The following ADAMDEC1 variants were observed in gnomAD, a reference collection of about 807,000 sequenced individuals.
ADAMDEC1 encodes the protein ADAM like decysin 1, also known as ADAM DEC1.
In ADAMDEC1, 62 loss-of-function variants were observed where a neutral mutation model predicts 60.4. That is an observed-to-expected ratio of 1.03 (90% CI 0.84 to 1.27). The LOEUF is 1.27. ADAMDEC1 is among the 50% of genes most tolerant of loss of function. The pLI is 0.00. For missense variants in ADAMDEC1, 595 were observed against 565.0 expected (o/e 1.05, Z -0.54); for synonymous variants, 210 against 195.1 (o/e 1.08, Z -0.64).
chr8:24,396,801 TTA>T (rs1237485204), intron 5 of ADAMDEC1, among the ~76,000 whole-genome samples: 10 of 152,228 alleles, frequency 6.6e-5, no homozygotes. Context: ...TATGAACTAA[TTA>T]TCATACTATT....
chr8:24,397,374 C>A lies in ADAMDEC1; in HGVS notation c.545C>A (p.Pro182Gln). 2 of 1,614,056 alleles carry A rather than the reference C, an allele frequency of 1.2e-6. No individual in the cohort carries two copies. Among genetic ancestry groups the A allele is most frequent in the Non-Finnish European group, 1.7e-6 (2 of 1,179,956 alleles). ...VFTSNQEEQD[P>Q]ANHTCGVKST... is the part of the protein sequence containing the mutation. Reference sequence around the variant, plus strand: ...ACATCTAACCAGGAGGAACAAGACCCAGCTAACCACACATGTGGTGTGAAG... The same window carrying A: ...ACATCTAACCAGGAGGAACAAGACCAAGCTAACCACACATGTGGTGTGAAG... Residue 182 changes from proline to glutamine, a missense_variant, in exon 6 of 14, where the codon CCA becomes CAA. By Grantham distance (76) the Pro-to-Gln change is moderately conservative. Transcript: ENST00000256412.
chr8:24,390,851 A>G (rs1009873953), intron 1 of ADAMDEC1, among the ~76,000 whole-genome samples: 7 of 152,090 alleles, frequency 4.6e-5, no homozygotes, highest in African/African-American at 9.7e-5. Context: ...TCACATTGTA[A>G]TCTACTCTTA....
In ADAMDEC1 at chr8:24,398,941, TA is replaced by T; in HGVS notation, c.833del (p.Lys278ArgfsTer14). ...GMEIWSDGDK[I>X]KVVPSASTTF... ...GAAATCTGGTCTGATGGGGATAAGA[TA>T]AAGGTGGTGCCCAGCGCAAGCACCA... On this transcript the variant is annotated frameshift_variant, in exon 9 of 14. Coordinates refer to ENST00000256412, the MANE Select transcript of ADAMDEC1 (RefSeq NM_014479.3). LOFTEE classifies it high-confidence loss of function. 6.2e-7 allele frequency: 1 copy of T among 1,613,854 alleles called. No individual in the cohort carries two copies. Among genetic ancestry groups the T allele is most frequent in the Non-Finnish European group, 8.5e-7 (1 of 1,179,840 alleles).
chr8:24,396,388 T>A (rs564866412), intron 5 of ADAMDEC1, among the ~76,000 whole-genome samples: 52 of 152,214 alleles, frequency 3.4e-4, no homozygotes, highest in African/African-American at 1.2e-3. Flanking sequence ...GGCTGGCGCC[T>A]GTAGTCCCAG....
Position 24,405,528 on chromosome 8 carries a change from T to A in ADAMDEC1, c.*230T>A. On this transcript the variant is annotated 3_prime_UTR_variant, in exon 14 of 14. Coordinates refer to ENST00000256412, the MANE Select transcript of ADAMDEC1 (RefSeq NM_014479.3). The stretch of plus-strand genomic sequence containing the variant: ...TTTTTTTTTTCTTTTTTCTTTTTTT[T>A]TAAAGATCATGAATTTGTGACTTAG... 1 of 477,114 alleles carries A rather than the reference T, an allele frequency of 2.1e-6. No homozygotes were observed. Among genetic ancestry groups the A allele is most frequent in the Non-Finnish European group, 3.7e-6 (1 of 272,442 alleles). The allele number at this position is 477,114 out of a possible 1,614,324, so 29.6% of individuals were successfully genotyped here.
At chr8:24,400,634 T>TTGCATATATTTCATA (rs751600694) in intron 11 of ADAMDEC1, among the ~76,000 whole-genome samples, 3 of 109,890 alleles carry the variant, frequency 2.7e-5, no homozygotes, top group African/African-American at 1.5e-4. Context: ...TTTCTTTTCA[T>TTGCATATATTTCATA]ATATATATAT....
At chr8:24,399,546 G>C in intron 10 of ADAMDEC1, 72 bp downstream of exon 10, 7 of 1,220,020 alleles carry the variant, frequency 5.7e-6, no homozygotes, top group Non-Finnish European at 8.5e-6. Context: ...ACCTTATATA[G>C]AATGAGCAAA....
At chr8:24,385,163 T>G (rs2129355901) in intron 1 of ADAMDEC1, among the ~76,000 whole-genome samples, 1 of 152,300 alleles carries the variant, frequency 6.6e-6, no homozygotes, top group South Asian at 2.1e-4. Flanking sequence ...TTCAAGTCAC[T>G]GGTTATTTTA....
At chr8:24,397,015 G>A (rs999854423) in intron 5 of ADAMDEC1, among the ~76,000 whole-genome samples, 1 of 152,162 alleles carries the variant, frequency 6.6e-6, no homozygotes, top group Admixed American at 6.5e-5. Context: ...TTACCACGGT[G>A]CAAATTCCAA....
Position 24,391,139 on chromosome 8 carries a change from T to A in ADAMDEC1, c.89-1123T>A, listed in dbSNP as rs530106244. Among the ~76,000 whole-genome samples the A allele has an allele frequency of 1.2e-4, 19 of 152,276 alleles. No homozygotes were observed. The South Asian group carries it at 3.7e-3, about 30-fold the overall frequency. Reference sequence around the variant, plus strand: ...TTACAGCAGAACTTTGGGAGCTGACTAGGAGGGAATTCTTGCTTTGTAATT... The same window carrying A: ...TTACAGCAGAACTTTGGGAGCTGACAAGGAGGGAATTCTTGCTTTGTAATT... On this transcript the variant is annotated intron_variant, in intron 1 of 13. Transcript: ENST00000256412.
chr8:24,384,471 A>G lies in ADAMDEC1; in HGVS notation c.-34A>G. On this transcript the variant is annotated 5_prime_UTR_variant, in exon 1 of 14. Coordinates refer to ENST00000256412, the MANE Select transcript of ADAMDEC1 (RefSeq NM_014479.3). ...TCAACTTCTAAAGAGAAATTGGAGA[A>G]GATAAAACTGGACACTGGGGAGACC... 1.3e-6 allele frequency: 2 copies of G among 1,528,314 alleles called. No homozygotes were observed. The highest frequency in any genetic ancestry group is 2.3e-5 in the East Asian group (1 of 42,840). 94.7% of individuals were successfully genotyped at this position (1,528,314 alleles called of 1,614,324 possible).
intron 1 of ADAMDEC1, 71 bp downstream of exon 1, chr8:24,384,663 A>G: frequency 1.5e-6 from 2 of 1,371,284 alleles, no homozygotes; most frequent in Non-Finnish European, 2.0e-6. Flanking sequence ...TGCCTTTTGA[A>G]AAAAAATGGC....
chr8:24,393,723 T>C (rs1376202882), intron 3 of ADAMDEC1, among the ~76,000 whole-genome samples: 1 of 152,118 alleles, frequency 6.6e-6, no homozygotes, highest in East Asian at 1.9e-4. Flanking sequence ...GTTAATAAAC[T>C]TCTCCCTGAA....
chr8:24,400,447 T>C, intron 11 of ADAMDEC1, 147 bp downstream of exon 11: 1 of 903,418 alleles, frequency 1.1e-6, no homozygotes, highest in South Asian at 2.4e-5. Flanking sequence ...AAATACATAC[T>C]AATCAACAGG....
chr8:24,398,951 GCCC>G lies in ADAMDEC1; in HGVS notation c.841_843del (p.Pro281del). The G allele has an allele frequency of 6.2e-7, 1 of 1,613,880 alleles. No homozygotes were observed. The highest frequency in any genetic ancestry group is 1.7e-4 in the Middle Eastern group (1 of 6,060). ...CTGATGGGGATAAGATAAAGGTGGTGCCCAGCGCAAGCACCACGTTTGACAACT... is the reference window on the plus strand; with the variant it reads ...CTGATGGGGATAAGATAAAGGTGGTGAGCGCAAGCACCACGTTTGACAACT... On this transcript the variant is annotated inframe_deletion, in exon 9 of 14. Coordinates refer to ENST00000256412, the MANE Select transcript of ADAMDEC1 (RefSeq NM_014479.3).
intron 3 of ADAMDEC1, among the ~76,000 whole-genome samples, 158 bp downstream of exon 3, chr8:24,393,496 G>A (rs960837595): frequency 6.6e-6 from 1 of 152,110 alleles, no homozygotes; most frequent in Non-Finnish European, 1.5e-5. Flanking sequence ...GATTTCCTAG[G>A]AAATTATATA....
In ADAMDEC1 at chr8:24,392,252, C is replaced by T. The variant is rs1232084648; in HGVS notation, c.89-10C>T. 6.4e-7 allele frequency: 1 copy of T among 1,567,306 alleles called. No individual in the cohort carries two copies. The highest frequency in any genetic ancestry group is 1.4e-5 in the African/African-American group (1 of 72,794). On this transcript the variant is annotated splice_polypyrimidine_tract_variant and intron_variant, in intron 1 of 13. Coordinates refer to ENST00000256412, the MANE Select transcript of ADAMDEC1 (RefSeq NM_014479.3). ...AATCTTTTATGTGAATATTATTTCTCTTTCTCTAGCAATAGCCATAAAGCA... is the reference window on the plus strand; with the variant it reads ...AATCTTTTATGTGAATATTATTTCTTTTTCTCTAGCAATAGCCATAAAGCA...
At chr8:24,405,189 A>T (rs1817858940) in intron 13 of ADAMDEC1, 103 bp from the exon 14 acceptor site, 4 of 1,171,582 alleles carry the variant, frequency 3.4e-6, no homozygotes, top group Non-Finnish European at 4.9e-6. Flanking sequence ...ATGAATTGTT[A>T]TTCACATAAT....
chr8:24,405,406 T>A lies in ADAMDEC1; in HGVS notation c.*108T>A, dbSNP rs1270415299. 8.0e-7 allele frequency: 1 copy of A among 1,257,264 alleles called. No homozygotes were observed. The highest frequency in any genetic ancestry group is 1.1e-6 in the Non-Finnish European group (1 of 876,092). 77.9% of individuals were successfully genotyped at this position (1,257,264 alleles called of 1,614,324 possible). A position where few individuals can be genotyped will look rare whatever the true frequency, so the allele number is the denominator to read the frequency against. On this transcript the variant is annotated 3_prime_UTR_variant, in exon 14 of 14. Transcript: ENST00000256412. ...TTCACCCATAATGGTCTTTCACTTGTCATTCTACTTTCTATATTGTTATCA... is the reference window on the plus strand; with the variant it reads ...TTCACCCATAATGGTCTTTCACTTGACATTCTACTTTCTATATTGTTATCA...
Sources: gnomAD v4.1 joint callset for allele counts (sites outside exome capture counted in the v4.1 genomes callset) on GRCh38, gnomAD v4.1.1 for gene constraint, MANE v1.5 for transcripts, NCBI Gene and HGNC (gene_info 2026-07-23, HGNC 2026-07-21) for gene names.